BSCL2: variants seen among roughly 807,000 people sequenced by gnomAD.
BSCL2 encodes the protein BSCL2 lipid droplet biogenesis associated, seipin.
A neutral mutation model predicts 57.4 loss-of-function variants in BSCL2; 41 were observed. The ratio of observed to expected loss-of-function variants is 0.71; its 90% CI spans 0.56 to 0.93. The LOEUF (loss-of-function observed/expected upper bound fraction) is 0.93, where lower values mean the gene tolerates loss of function less well. Ranked by LOEUF, BSCL2 falls within the 40% of genes least tolerant of loss-of-function variation. BSCL2 has a pLI of 0.00. For synonymous variants in BSCL2, 237 were observed against 227.3 expected, an observed-to-expected ratio of 1.04 and a Z score of -0.38; for missense variants, 539 against 586.7, an observed-to-expected ratio of 0.92 and a Z score of 0.84.
chr11:62,692,521 T>C (rs750496537), intron 5 of BSCL2, 48 bp from the exon 6 acceptor site: 1 of 1,609,618 alleles, frequency 6.2e-7, no homozygotes, highest in African/African-American at 1.3e-5. Flanking sequence ...GTCCTGCCGC[T>C]AGCACTCTTA....
intron 3 of BSCL2, 36 bp downstream of exon 3, chr11:62,702,432 G>C (rs767275692): frequency 6.4e-7 from 1 of 1,558,238 alleles, no homozygotes; most frequent in Non-Finnish European, 8.8e-7. Context: ...AGTCATCAAA[G>C]CTCTAATGAA....
rs74388071 is a variant in BSCL2 at position 62,692,552 on chromosome 11, C to A, written c.766-79G>T. 30,502 of 1,611,634 alleles carry A rather than the reference C, an allele frequency of 0.019. 594 individuals are homozygous for A. The highest frequency in any genetic ancestry group is 0.12 in the East Asian group (5,500 of 44,878). ...TCTTACCCGCCTCATCTGAGCCCCA[C>A]TTCCAGTCTCTCAGTTGTGATGTCT... On this transcript the variant is annotated intron_variant, in intron 5 of 10. Transcript: ENST00000360796.
At chr11:62,705,782 C>A in intron 1 of BSCL2, 165 bp from the exon 2 acceptor site, 1 of 710,874 alleles carries the variant, frequency 1.4e-6, no homozygotes, top group Non-Finnish European at 2.3e-6. Context: ...TGCCAATTAC[C>A]CCTTCCCTTT....
At chr11:62,701,905 T>C (rs942746514) in intron 3 of BSCL2, among the ~76,000 whole-genome samples, 2 of 151,706 alleles carry the variant, frequency 1.3e-5, no homozygotes, top group Non-Finnish European at 2.9e-5. Flanking sequence ...GTCTAAGGAA[T>C]GTATGTCGCT....
In BSCL2 at chr11:62,694,800, G is replaced by A. The variant is rs1182345975; in HGVS notation, c.487-89C>T. Reference sequence around the variant, plus strand: ...CCACCTCCCTCTTAGCCCCCGCAACGCCCCCAAATACTCAGCCACAACCCT... The same window carrying A: ...CCACCTCCCTCTTAGCCCCCGCAACACCCCCAAATACTCAGCCACAACCCT... On this transcript the variant is annotated intron_variant, in intron 3 of 10. Transcript: ENST00000360796. 26 of 1,456,410 alleles carry A rather than the reference G, an allele frequency of 1.8e-5. No homozygotes were observed. In the South Asian group the frequency reaches 2.3e-4, roughly 13 times the overall value. 90.2% of individuals were successfully genotyped at this position (1,456,410 alleles called of 1,614,324 possible).
chr11:62,701,541 T>C (rs114396898), intron 3 of BSCL2, among the ~76,000 whole-genome samples: 3,393 of 152,220 alleles, frequency 0.022, 125 homozygotes, highest in African/African-American at 0.078. Flanking sequence ...AATGCTGTAC[T>C]GAACGTGAAA....
At chr11:62,701,109 C>T (rs1159800016) in intron 3 of BSCL2, among the ~76,000 whole-genome samples, 7 of 152,102 alleles carry the variant, frequency 4.6e-5, no homozygotes, top group South Asian at 2.1e-4. Flanking sequence ...TGTAATGACA[C>T]GATGCATATA....
rs1945281836 is a variant in BSCL2, at chr11:62,690,637, C to T, written c.1209G>A (p.Glu403=). Residue 403 remains glutamate (E), a synonymous_variant, in exon 10 of 11, where the codon GAG becomes GAA. Coordinates refer to ENST00000360796, the MANE Select transcript of BSCL2 (RefSeq NM_001122955.4). ...KPDQQPLSGE[E]ELEPEASDGS... is the part of the protein sequence containing the mutation. ...CATCACTGGCCTCAGGCTCTAGCTC[C>T]TCTTCTCCGCTCAGGGGCTGCTGAT... 1.2e-6 allele frequency: 2 copies of T among 1,613,650 alleles called. No individual in the cohort carries two copies. Among genetic ancestry groups the T allele is most frequent in the South Asian group, 2.2e-5 (2 of 91,092 alleles).
At chr11:62,704,369 TAAAAAAAAA>T (rs71056549) in intron 2 of BSCL2, among the ~76,000 whole-genome samples, 5 of 81,746 alleles carry the variant, frequency 6.1e-5, no homozygotes, top group Admixed American at 4.1e-4. Context: ...CCATCTCTAC[TAAAAAAAAA>T]AAAAAAAAAA....
chr11:62,706,626 C>T, intron 1 of BSCL2: 1 of 472,376 alleles, frequency 2.1e-6, no homozygotes, highest in Non-Finnish European at 4.4e-6. Context: ...CACCACAGGC[C>T]ATTTCACCCG....
At chr11:62,691,623 T>C (rs1945312466) in intron 6 of BSCL2, among the ~76,000 whole-genome samples, 2 of 152,162 alleles carry the variant, frequency 1.3e-5, no homozygotes. Flanking sequence ...AAGTCTCCTG[T>C]GGGAGGGCCA....
chr11:62,701,540 C>T (rs577273317), intron 3 of BSCL2, among the ~76,000 whole-genome samples: 7 of 152,160 alleles, frequency 4.6e-5, no homozygotes, highest in African/African-American at 1.7e-4. Flanking sequence ...GAATGCTGTA[C>T]TGAACGTGAA....
chr11:62,693,144 C>G (rs1945356039), intron 4 of BSCL2, among the ~76,000 whole-genome samples: 1 of 152,160 alleles, frequency 6.6e-6, no homozygotes, highest in Non-Finnish European at 1.5e-5. Flanking sequence ...TTCCCCCCAT[C>G]ATGTAGACAT....
At chr11:62,705,139 G>A (rs2083506020) in intron 2 of BSCL2, among the ~76,000 whole-genome samples, 162 bp downstream of exon 2, 2 of 149,626 alleles carry the variant, frequency 1.3e-5, no homozygotes, top group African/African-American at 4.9e-5. Flanking sequence ...CCCTAGCCCT[G>A]GCAACCCAAA....
upstream of BSCL2, chr11:62,707,607 G>A (rs2083564520): frequency 7.6e-6 from 4 of 527,446 alleles, no homozygotes; most frequent in East Asian, 1.0e-4. Flanking sequence ...GGGGGTGTGC[G>A]CAGGGATGCA....
chr11:62,706,685 C>T (rs976551220), intron 1 of BSCL2: 4 of 479,890 alleles, frequency 8.3e-6, no homozygotes, highest in African/African-American at 5.9e-5. Context: ...ATTTTTATCG[C>T]CCACAGCTCC....
chr11:62,705,031 C>T (rs1335919283), intron 2 of BSCL2, among the ~76,000 whole-genome samples: 1 of 151,100 alleles, frequency 6.6e-6, no homozygotes, highest in African/African-American at 2.4e-5. Flanking sequence ...GTGATCCAAC[C>T]AAAATAGAAT....
chr11:62,708,320 A>T, upstream of BSCL2: 1 of 1,613,122 alleles, frequency 6.2e-7, no homozygotes, highest in Non-Finnish European at 8.5e-7. Context: ...CCCGGTGAAC[A>T]GCACTATGAG....
In BSCL2 at chr11:62,690,620, G is replaced by A; in HGVS notation, c.1226C>T (p.Ala409Val). 6.2e-7 allele frequency: 1 copy of A among 1,613,996 alleles called. No individual in the cohort carries two copies. The highest frequency in any genetic ancestry group is 1.7e-5 in the Admixed American group (1 of 60,028). ...LSGEEELEPE[A>V]SDGSGSWEDA... ...TGCAGGATGCCCCTCACCATCACTG[G>A]CCTCAGGCTCTAGCTCCTCTTCTCC... The change falls in exon 10 of 11, where the codon GCC becomes GTC. Residue 409 changes from alanine (A) to valine (V), a missense_variant. Ala to Val is a moderately conservative substitution (Grantham distance 64). Transcript: ENST00000360796.
Sources: allele counts gnomAD v4.1 joint callset (sites outside exome capture counted in the v4.1 genomes callset), GRCh38; gene constraint gnomAD v4.1.1; transcripts MANE v1.5; gene names NCBI Gene and HGNC (gene_info 2026-07-23, HGNC 2026-07-21).